The following GALNTL6 variants were observed in gnomAD, a reference collection of about 807,000 sequenced individuals.
GALNTL6 encodes polypeptide N-acetylgalactosaminyltransferase like 6.
A neutral mutation model predicts 73.7 loss-of-function variants in GALNTL6; 46 were observed. The ratio of observed to expected loss-of-function variants is 0.62; its 90% CI spans 0.49 to 0.80. GALNTL6 has a LOEUF of 0.80. Ranked by LOEUF, GALNTL6 falls within the 30% of genes least tolerant of loss-of-function variation. The probability of loss-of-function intolerance (pLI) is 0.00; values close to 1 mark genes in which losing one functional copy is unlikely to be tolerated. For missense variants in GALNTL6, 604 were observed against 755.0 expected (o/e 0.80, Z 2.34); for synonymous variants, 259 against 263.7 (o/e 0.98, Z 0.17).
chr4:171,850,299 A>T (rs571993644), intron 2 of GALNTL6, among the ~76,000 whole-genome samples: 2 of 152,306 alleles, frequency 1.3e-5, no homozygotes, highest in Admixed American at 1.3e-4. Context: ...CAAAACGTAA[A>T]GTAGGGACGT....
intron 2 of GALNTL6, among the ~76,000 whole-genome samples, chr4:171,964,174 C>CTTTTTTT (rs34889130): frequency 6.7e-6 from 1 of 148,156 alleles, no homozygotes; most frequent in Non-Finnish European, 1.5e-5. Flanking sequence ...GTAAGCAATA[C>CTTTTTTT]TTTTTTTTTT....
chr4:172,162,956 C>T (rs181053093), intron 2 of GALNTL6, among the ~76,000 whole-genome samples: 122 of 152,094 alleles, frequency 8.0e-4, no homozygotes, highest in Non-Finnish European at 1.4e-3. Flanking sequence ...TGCAATACTG[C>T]AATAGGTGAC....
At chr4:172,935,557 GAGA>G (rs1024637552) in intron 9 of GALNTL6, among the ~76,000 whole-genome samples, 1 of 151,984 alleles carries the variant, frequency 6.6e-6, no homozygotes, top group Non-Finnish European at 1.5e-5. Flanking sequence ...GAAGAAAAGA[GAGA>G]AGAACTAAAT....
At chr4:172,666,656 CT>C (rs1475723011) in intron 5 of GALNTL6, 1 of 152,134 alleles carries the variant, frequency 6.6e-6, no homozygotes, top group Non-Finnish European at 1.5e-5. Context: ...CTTTAAAAAA[CT>C]TTTGTCTTCC....
intron 5 of GALNTL6, among the ~76,000 whole-genome samples, chr4:172,538,572 A>G (rs997175318): frequency 6.6e-6 from 1 of 152,200 alleles, no homozygotes; most frequent in African/African-American, 2.4e-5. Flanking sequence ...GGGAGAAAAC[A>G]TCTCTTTAAT....
chr4:172,659,019 C>A (rs745822679), intron 5 of GALNTL6, among the ~76,000 whole-genome samples: 29 of 152,076 alleles, frequency 1.9e-4, no homozygotes, highest in Non-Finnish European at 3.7e-4. Flanking sequence ...TACTTTGTGC[C>A]AGATCTTATT....
At chr4:172,739,144 C>G (rs1736651053) in intron 5 of GALNTL6, among the ~76,000 whole-genome samples, 1 of 152,130 alleles carries the variant, frequency 6.6e-6, no homozygotes, top group Admixed American at 6.6e-5. Context: ...ATGACCTGGC[C>G]AAGGAGGAAG....
intron 2 of GALNTL6, among the ~76,000 whole-genome samples, chr4:172,136,921 G>A (rs976365596): frequency 9.9e-5 from 15 of 151,846 alleles, no homozygotes; most frequent in Non-Finnish European, 1.9e-4. Flanking sequence ...ATTAGTCCCC[G>A]AAAAACAAAG....
At chr4:172,642,364 T>C (rs1299907363) in intron 5 of GALNTL6, among the ~76,000 whole-genome samples, 1 of 151,868 alleles carries the variant, frequency 6.6e-6, no homozygotes, top group Non-Finnish European at 1.5e-5. Flanking sequence ...AATAAAATGG[T>C]CATTATATAT....
At chr4:172,137,748 G>A (rs560732028) in intron 2 of GALNTL6, among the ~76,000 whole-genome samples, 30 of 152,274 alleles carry the variant, frequency 2.0e-4, no homozygotes, top group African/African-American at 4.6e-4. Flanking sequence ...CTCCCTAGTT[G>A]GATGAGAATC....
At chr4:171,913,597 A>G (rs1737532166) in intron 2 of GALNTL6, among the ~76,000 whole-genome samples, 3 of 152,356 alleles carry the variant, frequency 2.0e-5, no homozygotes, top group South Asian at 2.1e-4. Flanking sequence ...TTTGTTTTTA[A>G]TAATCAGAAA....
At chr4:172,162,299 T>C (rs1734495087) in intron 2 of GALNTL6, among the ~76,000 whole-genome samples, 1 of 151,776 alleles carries the variant, frequency 6.6e-6, no homozygotes, top group African/African-American at 2.4e-5. Context: ...GTTAGACTGA[T>C]TGCTTAAAGG....
At chr4:172,815,548 G>A (rs1370563896) in intron 7 of GALNTL6, among the ~76,000 whole-genome samples, 3 of 152,166 alleles carry the variant, frequency 2.0e-5, no homozygotes, top group African/African-American at 2.4e-5. Flanking sequence ...CAGAGTAGGG[G>A]TCCTGCTTCC....
intron 5 of GALNTL6, among the ~76,000 whole-genome samples, chr4:172,381,783 G>T (rs1743293114): frequency 6.6e-6 from 1 of 152,132 alleles, no homozygotes; most frequent in South Asian, 2.1e-4. Context: ...TATTCCACTT[G>T]AGTGTATACT....
At chr4:172,691,281 C>T (rs1457336325) in intron 5 of GALNTL6, among the ~76,000 whole-genome samples, 1 of 151,970 alleles carries the variant, frequency 6.6e-6, no homozygotes, top group Non-Finnish European at 1.5e-5. Context: ...ATGGGGAGAA[C>T]CATAGGAAAG....
chr4:172,080,726 A>T (rs1232130480), intron 2 of GALNTL6, among the ~76,000 whole-genome samples: 1 of 151,772 alleles, frequency 6.6e-6, no homozygotes. Flanking sequence ...TGTTTCACTG[A>T]TTTATTCAGA....
chr4:172,401,308 T>G (rs558474710), intron 5 of GALNTL6, among the ~76,000 whole-genome samples: 1 of 152,282 alleles, frequency 6.6e-6, no homozygotes, highest in African/African-American at 2.4e-5. Context: ...TGCTTAAAAT[T>G]CACAATTAGT....
intron 3 of GALNTL6, among the ~76,000 whole-genome samples, chr4:172,308,047 C>G (rs1321629252): frequency 3.0e-5 from 2 of 67,552 alleles, no homozygotes; most frequent in African/African-American, 5.1e-5. Flanking sequence ...GCTCTTGTAA[C>G]AGTGGTTAAG....
intron 5 of GALNTL6, among the ~76,000 whole-genome samples, chr4:172,704,646 CAAG>C (rs1009916318): frequency 2.6e-5 from 4 of 151,952 alleles, no homozygotes; most frequent in Non-Finnish European, 5.9e-5. Context: ...CATGTGCCAA[CAAG>C]AAGAATGTGC....
Sources: gnomAD v4.1 joint callset for allele counts (sites outside exome capture counted in the v4.1 genomes callset) on GRCh38, gnomAD v4.1.1 for gene constraint, MANE v1.5 for transcripts, NCBI Gene and HGNC (gene_info 2026-07-23, HGNC 2026-07-21) for gene names.